The following RARB variants were observed in gnomAD, a reference collection of about 807,000 sequenced individuals.
RARB encodes the protein retinoic acid receptor beta, also known as HBV-activated protein.
In RARB, 17 loss-of-function variants were observed where a neutral mutation model predicts 51.9. The ratio of observed to expected loss-of-function variants is 0.33; its 90% CI spans 0.22 to 0.49. RARB has a LOEUF of 0.49. RARB is among the 20% of genes least tolerant of loss of function. RARB has a pLI of 0.99. For missense variants in RARB, 369 were observed against 550.8 expected (o/e 0.67, Z 3.30); for synonymous variants, 215 against 195.4 (o/e 1.10, Z -0.84).
intron 2 of RARB, among the ~76,000 whole-genome samples, chr3:25,471,340 C>A (rs1345174592): frequency 5.9e-5 from 9 of 152,146 alleles, no homozygotes; most frequent in African/African-American, 2.2e-4. Context: ...GCTGTTAGTG[C>A]TTTAAGAAAA....
At chr3:25,056,886 G>C (rs971803513) in intron 2 of RARB, among the ~76,000 whole-genome samples, 7 of 151,906 alleles carry the variant, frequency 4.6e-5, no homozygotes, top group East Asian at 1.9e-4. Context: ...CCTTAATGAC[G>C]AGTGACTCGC....
rs549164842 is a variant in RARB, at chr3:25,428,422, C to G, written c.-310C>G. 7 of 1,275,978 alleles carry G rather than the reference C, an allele frequency of 5.5e-6. No homozygotes were observed. In the East Asian group the frequency reaches 2.1e-4, roughly 38 times the overall value. 79.0% of individuals were successfully genotyped at this position (1,275,978 alleles called of 1,614,324 possible). A position where few individuals can be genotyped will look rare whatever the true frequency, so the allele number is the denominator to read the frequency against. The stretch of plus-strand genomic sequence containing the variant: ...TGTCTGGGCACCGTCGGGGTAGGAT[C>G]CGGAACGCATTCGGAAGGCTTTTTG... On this transcript the variant is annotated 5_prime_UTR_variant, in exon 1 of 8. The change creates a new upstream start codon in the 5' untranslated region. Transcript: ENST00000330688.
chr3:25,518,593 T>C (rs1335228286), intron 3 of RARB, among the ~76,000 whole-genome samples: 1 of 152,090 alleles, frequency 6.6e-6, no homozygotes, highest in Non-Finnish European at 1.5e-5. Context: ...GAAATAACGA[T>C]GGGCATGAAA....
intron 4 of RARB, among the ~76,000 whole-genome samples, chr3:25,166,777 G>A (rs781488660): frequency 1.3e-5 from 2 of 152,162 alleles, no homozygotes; most frequent in Non-Finnish European, 2.9e-5. Flanking sequence ...TAACTCCTGT[G>A]TCTCAAGGCC....
intron 5 of RARB, among the ~76,000 whole-genome samples, chr3:25,339,719 T>G (rs1705167884): frequency 6.6e-6 from 1 of 152,050 alleles, no homozygotes; most frequent in African/African-American, 2.4e-5. Context: ...AGCCGTGGTT[T>G]GGATGTTAAG....
intron 5 of RARB, among the ~76,000 whole-genome samples, chr3:25,186,962 G>A (rs1700993707): frequency 1.4e-5 from 2 of 145,160 alleles, no homozygotes; most frequent in South Asian, 4.5e-4. Flanking sequence ...GTTTGATGAA[G>A]AGTAGCCAGT....
At position 25,439,381 on chromosome 3, in the gene RARB, C is replaced by T. The variant is rs116516224; in HGVS notation, c.157+10493C>T. 4.7e-3 allele frequency among the ~76,000 whole-genome samples: 720 copies of T among 152,270 alleles called. 3 individuals carry two copies. Among genetic ancestry groups the T allele is most frequent in the African/African-American group, 0.016 (645 of 41,562 alleles). On this transcript the variant is annotated intron_variant, in intron 1 of 7. Coordinates refer to ENST00000330688, the MANE Select transcript of RARB (RefSeq NM_000965.5). The stretch of plus-strand genomic sequence containing the variant: ...TCTAATTGGCCTCTCAGATAATGCT[C>T]TCATTTCAGTGACTTCAAACATGTC...
At chr3:25,132,345 A>T (rs149000403) in intron 4 of RARB, among the ~76,000 whole-genome samples, 193 of 151,998 alleles carry the variant, frequency 1.3e-3, no homozygotes, top group African/African-American at 4.5e-3. Context: ...TCATGATATT[A>T]TTGCATTTGA....
At chr3:25,348,197 CCA>C (rs1705452937) in intron 5 of RARB, among the ~76,000 whole-genome samples, 1 of 152,050 alleles carries the variant, frequency 6.6e-6, no homozygotes. Flanking sequence ...TTAGGTAACC[CCA>C]CTGAACCTCA....
intron 5 of RARB, among the ~76,000 whole-genome samples, chr3:25,256,633 T>C (rs1002218216): frequency 7.2e-5 from 11 of 152,158 alleles, no homozygotes; most frequent in Middle Eastern, 3.4e-3. Flanking sequence ...TAAGTAGAAA[T>C]GTATGACCAA....
intron 2 of RARB, among the ~76,000 whole-genome samples, chr3:24,967,775 T>C (rs1696309832): frequency 6.6e-6 from 1 of 152,186 alleles, no homozygotes. Flanking sequence ...CTGCAAACAT[T>C]ATTTTAAGCA....
At chr3:25,068,407 A>G (rs892860804) in intron 3 of RARB, among the ~76,000 whole-genome samples, 7 of 152,146 alleles carry the variant, frequency 4.6e-5, no homozygotes, top group African/African-American at 1.4e-4. Context: ...AAGATATTTG[A>G]AAGATAGTTT....
chr3:25,061,539 A>G (rs1432144825), intron 3 of RARB, among the ~76,000 whole-genome samples: 1 of 151,732 alleles, frequency 6.6e-6, no homozygotes, highest in African/African-American at 2.4e-5. Flanking sequence ...TGCTTGGTGT[A>G]GTTACACATT....
chr3:25,148,866 A>C (rs1342736009), intron 4 of RARB, among the ~76,000 whole-genome samples: 1 of 152,210 alleles, frequency 6.6e-6, no homozygotes, highest in Non-Finnish European at 1.5e-5. Flanking sequence ...CCAGCCCCTG[A>C]AAAAGGTTGT....
chr3:25,176,427 C>T (rs564537280), intron 5 of RARB, among the ~76,000 whole-genome samples: 11 of 147,934 alleles, frequency 7.4e-5, no homozygotes, highest in Middle Eastern at 3.5e-3. Context: ...GATGGTATCT[C>T]GCTCTGTCGC....
At chr3:25,431,502 T>C (rs1708205798) in intron 1 of RARB, among the ~76,000 whole-genome samples, 1 of 152,162 alleles carries the variant, frequency 6.6e-6, no homozygotes, top group Non-Finnish European at 1.5e-5. Flanking sequence ...AATATTACGA[T>C]TGACGACTGC....
In RARB at chr3:25,106,823, G is replaced by A. The variant is rs190388399; in HGVS notation, c.-327-25338G>A. 3.7e-4 allele frequency among the ~76,000 whole-genome samples: 56 copies of A among 152,010 alleles called. 1 individual carries two copies. Among genetic ancestry groups the A allele is most frequent in the African/African-American group, 1.2e-3 (49 of 41,480 alleles). ...AACAATTATACTGTGATTCTTCAGC[G>A]GGTTGCTGGAGCTATGGCCCTATAC... On this transcript the variant is annotated intron_variant, in intron 3 of 11. Coordinates refer to the RARB transcript ENST00000383772.
intron 5 of RARB, among the ~76,000 whole-genome samples, chr3:25,206,774 C>T (rs1181133943): frequency 6.6e-6 from 1 of 152,136 alleles, no homozygotes; most frequent in African/African-American, 2.4e-5. Context: ...CTTATTCATG[C>T]CCGATAGCTT....
At chr3:25,045,484 C>T (rs1273948416) in intron 2 of RARB, among the ~76,000 whole-genome samples, 1 of 152,182 alleles carries the variant, frequency 6.6e-6, no homozygotes, top group East Asian at 1.9e-4. Flanking sequence ...CTCCCTCCCT[C>T]CAGAGGAGTG....
Sources: gnomAD v4.1 joint callset for allele counts (sites outside exome capture counted in the v4.1 genomes callset) on GRCh38, gnomAD v4.1.1 for gene constraint, MANE v1.5 for transcripts, NCBI Gene and HGNC (gene_info 2026-07-23, HGNC 2026-07-21) for gene names.